The following CAMTA1 variants were observed in gnomAD, a reference collection of about 807,000 sequenced individuals.
The protein encoded by CAMTA1 is calmodulin binding transcription activator 1, also known as calmodulin-binding transcription activator 1.
Under a neutral mutation model 170.9 loss-of-function variants are expected in CAMTA1, and 27 were observed. The observed-to-expected ratio is 0.16, with a 90% CI of 0.12 to 0.22. The LOEUF is 0.22. CAMTA1 is among the 10% of genes least tolerant of loss of function. The pLI is 1.00. For missense variants in CAMTA1, 1,619 were observed against 2,217.2 expected, an observed-to-expected ratio of 0.73 and a Z score of 5.42; for synonymous variants, 833 against 891.5, an observed-to-expected ratio of 0.93 and a Z score of 1.17.
At chr1:7,545,932 G>A (rs4274086) in intron 6 of CAMTA1, among the ~76,000 whole-genome samples, 30,164 of 148,982 alleles carry the variant, frequency 0.2, 3,436 homozygotes, top group East Asian at 0.34. Context: ...GTGAAAACAT[G>A]TGGTGTTTGG....
intron 3 of CAMTA1, among the ~76,000 whole-genome samples, chr1:6,944,431 C>T (rs1404935551): frequency 6.6e-6 from 1 of 152,136 alleles, no homozygotes; most frequent in East Asian, 1.9e-4. Context: ...ATGATGGTCC[C>T]CAGGACCTGT....
At chr1:6,863,094 A>G (rs1571093830) in intron 3 of CAMTA1, among the ~76,000 whole-genome samples, 1 of 152,206 alleles carries the variant, frequency 6.6e-6, no homozygotes, top group African/African-American at 2.4e-5. Context: ...TACATTGTGT[A>G]ATGATTAGCA....
intron 5 of CAMTA1, among the ~76,000 whole-genome samples, chr1:7,465,116 G>A (rs919824204): frequency 2.0e-5 from 3 of 152,166 alleles, no homozygotes; most frequent in Non-Finnish European, 4.4e-5. Context: ...AGGGTGCCAC[G>A]GGCAAAACTT....
At position 7,661,865 on chromosome 1, in the gene CAMTA1, G is replaced by A. The variant is rs1404134807; in HGVS notation, c.804G>A (p.Leu268=). 6.2e-7 allele frequency: 1 copy of A among 1,607,062 alleles called. No homozygotes were observed. The highest frequency in any genetic ancestry group is 8.5e-7 in the Non-Finnish European group (1 of 1,177,042). Residue 268 remains leucine (L), a splice_region_variant and synonymous_variant, in exon 8 of 23, where the codon CTG becomes CTA. Coordinates refer to ENST00000303635, the MANE Select transcript of CAMTA1 (RefSeq NM_015215.4). The stretch of plus-strand genomic sequence containing the variant: ...ACAACTGCCTCTGCACCGGCAGCCT[G>A]GGTGAGCCGGGGCTCCCGGGGCAGG... ...RTHNCLCTGS[L]GAGGSVHHKC... is the part of the protein sequence containing the mutation.
chr1:7,108,825 T>C (rs2148351845), intron 4 of CAMTA1, among the ~76,000 whole-genome samples: 1 of 152,338 alleles, frequency 6.6e-6, no homozygotes, highest in East Asian at 1.9e-4. Flanking sequence ...TTTTGCCCTG[T>C]CTGTCAGTCA....
In CAMTA1 at chr1:7,744,872, C is replaced by G. The variant is rs560588835; in HGVS notation, c.4220C>G (p.Ala1407Gly). 26 of 1,613,982 alleles carry G rather than the reference C, an allele frequency of 1.6e-5. No homozygotes were observed. The East Asian group carries it at 5.8e-4, about 36-fold the overall frequency. Residue 1407 changes from alanine to glycine, a missense_variant, in exon 17 of 23, where the codon GCC (alanine) becomes GGC (glycine). Around this residue, in one of 8 missense-constraint regions of CAMTA1, gnomAD observed 370 missense variants for 429.4 expected, o/e 0.86. Coordinates refer to ENST00000303635, the MANE Select transcript of CAMTA1 (RefSeq NM_015215.4). ...ACCTTGGCAGAACACATTATTGAAG[C>G]CACACCTGACCGAATCAAGCAGGAG... is the stretch of plus-strand genomic sequence containing the variant. ...MMTLAEHIIE[A>G]TPDRIKQENF...
chr1:7,550,653 GCCT>G (rs2094787140), intron 6 of CAMTA1, among the ~76,000 whole-genome samples: 1 of 148,676 alleles, frequency 6.7e-6, no homozygotes, highest in Admixed American at 6.7e-5. Context: ...CACCTACCTG[GCCT>G]CCTCGCAGCT....
chr1:7,203,095 C>A lies in CAMTA1; in HGVS notation c.303-46396C>A, dbSNP rs146247226. Among the ~76,000 whole-genome samples, 94 of 152,206 alleles carry A rather than the reference C, an allele frequency of 6.2e-4. 1 individual carries two copies. Among genetic ancestry groups the A allele is most frequent in the African/African-American group, 1.9e-3 (78 of 41,534 alleles). ...AGGATTTAGTCAAATTCTTTTTCAGCGTCTATTGAGATGATTCTGTTTTTT... is the reference window on the plus strand; with the variant it reads ...AGGATTTAGTCAAATTCTTTTTCAGAGTCTATTGAGATGATTCTGTTTTTT... On this transcript the variant is annotated intron_variant, in intron 4 of 22. Transcript: ENST00000303635.
chr1:7,180,229 T>C (rs1651820241), intron 4 of CAMTA1, among the ~76,000 whole-genome samples: 1 of 151,914 alleles, frequency 6.6e-6, no homozygotes, highest in African/African-American at 2.4e-5. Context: ...TAGCTGAGCA[T>C]GGTGTCACGT....
At chr1:7,622,429 TTC>T (rs1558016231) in intron 6 of CAMTA1, among the ~76,000 whole-genome samples, 1 of 152,156 alleles carries the variant, frequency 6.6e-6, no homozygotes, top group African/African-American at 2.4e-5. Flanking sequence ...GATTGGTGTA[TTC>T]TTTCTATCTT....
chr1:7,252,684 G>T lies in CAMTA1; in HGVS notation c.438+3058G>T, dbSNP rs929824248. Among the ~76,000 whole-genome samples, 9 of 152,336 alleles carry T rather than the reference G, an allele frequency of 5.9e-5. No individual in the cohort carries two copies. In the East Asian group the frequency reaches 1.7e-3, roughly 29 times the overall value. Reference sequence around the variant, plus strand: ...GCATCTTCATCACGTCAGGCACGGCGCCAGCCAGCTACTCTTCTGCTGGTT... The same window carrying T: ...GCATCTTCATCACGTCAGGCACGGCTCCAGCCAGCTACTCTTCTGCTGGTT... On this transcript the variant is annotated intron_variant, in intron 5 of 22. Coordinates refer to ENST00000303635, the MANE Select transcript of CAMTA1 (RefSeq NM_015215.4).
At position 6,817,035 on chromosome 1, in the gene CAMTA1, T is replaced by C. The variant is rs143358335; in HGVS notation, c.46-3146T>C. ...TCATTATGCAGTGCTGTGGAGAGAG[T>C]GTGATTGGTTTTTGTCTATGATATT... On this transcript the variant is annotated intron_variant, in intron 1 of 22. Transcript: ENST00000303635. Among the ~76,000 whole-genome samples the C allele has an allele frequency of 2.1e-4, 32 of 152,150 alleles. No homozygotes were observed. In the East Asian group the frequency reaches 5.8e-3, roughly 28 times the overall value.
rs11120950 is a variant in CAMTA1, at chr1:7,497,178, G to T, written c.510+29277G>T. On this transcript the variant is annotated intron_variant, in intron 6 of 22. Transcript: ENST00000303635. ...TTCTGTCAGACGGGAGAAGCTGCCC[G>T]TCTCACACCTCCCCTGGAGATGGAG... is the stretch of plus-strand genomic sequence containing the variant. Among the ~76,000 whole-genome samples, 65 of 152,200 alleles carry T rather than the reference G, an allele frequency of 4.3e-4. No homozygotes were observed. The East Asian group carries it at 0.012, about 28-fold the overall frequency.
In CAMTA1 at chr1:7,752,478, A is replaced by G; in HGVS notation, c.4903A>G (p.Lys1635Glu). Residue 1635 changes from lysine to glutamate, a missense_variant, in exon 21 of 23, where the codon AAG becomes GAG. Transcript: ENST00000303635. ...TTTCAGGAGCAGTTTGCTAACCAAAAAGCAGGATCAAGCTGCTCGAAAAAT... is the reference window on the plus strand; with the variant it reads ...TTTCAGGAGCAGTTTGCTAACCAAAGAGCAGGATCAAGCTGCTCGAAAAAT... ...QKLRSSLLTKKQDQAARKIMR... is the reference protein window; with the variant it reads ...QKLRSSLLTKEQDQAARKIMR... 1.9e-6 allele frequency: 3 copies of G among 1,613,332 alleles called. No homozygotes were observed. The highest frequency in any genetic ancestry group is 2.5e-6 in the Non-Finnish European group (3 of 1,179,754).
intron 4 of CAMTA1, among the ~76,000 whole-genome samples, chr1:7,151,290 G>A (rs1453221718): frequency 1.3e-5 from 2 of 152,214 alleles, no homozygotes; most frequent in Non-Finnish European, 2.9e-5. Flanking sequence ...TGTAGCACCC[G>A]AGCCTAATTA....
intron 5 of CAMTA1, among the ~76,000 whole-genome samples, chr1:7,442,951 C>A (rs577131381): frequency 6.6e-6 from 1 of 152,230 alleles, no homozygotes; most frequent in African/African-American, 2.4e-5. Flanking sequence ...CCTGGCCTTC[C>A]CAGATGCCAC....
chr1:7,398,003 A>G (rs2089466327), intron 5 of CAMTA1, among the ~76,000 whole-genome samples: 1 of 151,338 alleles, frequency 6.6e-6, no homozygotes, highest in Non-Finnish European at 1.5e-5. Context: ...GGTCCATTTG[A>G]TCTAGAGTTT....
At chr1:6,805,291 C>G (rs1644386717) in intron 1 of CAMTA1, among the ~76,000 whole-genome samples, 1 of 152,148 alleles carries the variant, frequency 6.6e-6, no homozygotes, top group African/African-American at 2.4e-5. Flanking sequence ...TGTTGAGCAT[C>G]TGTTCATGAG....
chr1:6,796,213 G>A (rs1279403603), intron 1 of CAMTA1, among the ~76,000 whole-genome samples: 1 of 134,542 alleles, frequency 7.4e-6, no homozygotes, highest in Non-Finnish European at 1.5e-5. Flanking sequence ...GATCTCTCTC[G>A]GCTTACTGCA....
Sources: gnomAD v4.1 joint callset for allele counts (sites outside exome capture counted in the v4.1 genomes callset) on GRCh38, gnomAD v4.1.1 for gene constraint, gnomAD v4.1.1 regional missense constraint, MANE v1.5 for transcripts, NCBI Gene and HGNC (gene_info 2026-07-23, HGNC 2026-07-21) for gene names.